Variants in PCDHGB4 observed in about 807,000 individuals in gnomAD.
PCDHGB4 encodes the protein protocadherin gamma subfamily B, 4.
Under a neutral mutation model 60.5 loss-of-function variants are expected in PCDHGB4, and 38 were observed. That is an observed-to-expected ratio of 0.63 (90% CI 0.48 to 0.82). The LOEUF is 0.82. Ranked by LOEUF, PCDHGB4 falls within the 40% of genes least tolerant of loss-of-function variation. The pLI, the probability that PCDHGB4 is intolerant of heterozygous loss-of-function variation, is 0.00. For synonymous variants in PCDHGB4, 456 were observed against 509.7 expected (o/e 0.89, Z 1.42); for missense variants, 1,109 against 1,209.6 (o/e 0.92, Z 1.23).
chr5:141,395,370 G>C, intron 1 of PCDHGB4: 1 of 1,207,198 alleles, frequency 8.3e-7, no homozygotes, highest in Non-Finnish European at 1.1e-6. Context: ...GTTTATTTTG[G>C]TGGTGTTACT....
chr5:141,421,328 A>G (rs1355932974), intron 1 of PCDHGB4: 1 of 1,613,902 alleles, frequency 6.2e-7, no homozygotes. Flanking sequence ...CAGATCCGAT[A>G]TTCGGTGCCA....
rs200356364 is a variant in PCDHGB4, at chr5:141,470,128, C to CA, written c.2398-24670dup. On this transcript the variant is annotated intron_variant, in intron 1 of 3. Transcript: ENST00000519479. ...TGAGCAACAGAGCAAGACTTCGTCT[C>CA]AAAAAAAAAGATCATAGATCATCTT... 4.0e-3 allele frequency among the ~76,000 whole-genome samples: 596 copies of CA among 150,150 alleles called. 6 individuals are homozygous for CA. The highest frequency in any genetic ancestry group is 0.011 in the Admixed American group (171 of 15,136).
intron 1 of PCDHGB4, chr5:141,417,070 G>A (rs1324168481): frequency 6.6e-6 from 1 of 151,864 alleles, no homozygotes; most frequent in Non-Finnish European, 1.5e-5. Flanking sequence ...TGTAGCTATT[G>A]TGAGAAAATA....
rs549455612 is a variant in PCDHGB4 at position 141,415,049 on chromosome 5, A to T, written c.2397+24768A>T. On this transcript the variant is annotated intron_variant, in intron 1 of 3. Transcript: ENST00000519479. Reference sequence around the variant, plus strand: ...GAGCCGGGACTCTTCGCGGTGGGGGAGCACACGGGCGAGGTGCGCACGGCG... The same window carrying T: ...GAGCCGGGACTCTTCGCGGTGGGGGTGCACACGGGCGAGGTGCGCACGGCG... 84 of 1,613,216 alleles carry T rather than the reference A, an allele frequency of 5.2e-5. 1 individual carries two copies. In the Admixed American group the frequency reaches 6.0e-4, roughly 12 times the overall value.
rs757065593 is a variant in PCDHGB4, at chr5:141,418,576, C to G, written c.2397+28295C>G. 1.5e-5 allele frequency: 25 copies of G among 1,614,012 alleles called. No homozygotes were observed. In the South Asian group the frequency reaches 2.7e-4, roughly 18 times the overall value. On this transcript the variant is annotated intron_variant, in intron 1 of 3. Transcript: ENST00000519479. ...TGGTAATAGATGCCAATGACAACCCCCCAGTGTTCAGCCAGGACGTGTACA... is the reference window on the plus strand; with the variant it reads ...TGGTAATAGATGCCAATGACAACCCGCCAGTGTTCAGCCAGGACGTGTACA...
rs775290219 is a variant in PCDHGB4 at position 141,423,576 on chromosome 5, G to A, written c.2397+33295G>A. On this transcript the variant is annotated intron_variant, in intron 1 of 3. Transcript: ENST00000519479. ...ACTATGGGGACACGCTCATCAGCCAGGAGAGCTGTGAGAAAAGCGAGCCAC... is the reference window on the plus strand; with the variant it reads ...ACTATGGGGACACGCTCATCAGCCAAGAGAGCTGTGAGAAAAGCGAGCCAC... The A allele has an allele frequency of 1.9e-6, 3 of 1,613,588 alleles. No homozygotes were observed. In the Admixed American group the frequency reaches 5.0e-5, roughly 27 times the overall value.
chr5:141,387,752 GGAAAAAGAAGAATTTTTTCTT>G lies in PCDHGB4; in HGVS notation c.-129_-109del. The G allele has an allele frequency of 7.1e-7, 1 of 1,398,886 alleles. No individual in the cohort carries two copies. The highest frequency in any genetic ancestry group is 9.5e-7 in the Non-Finnish European group (1 of 1,050,124). The allele number at this position is 1,398,886 out of a possible 1,614,324, so 86.7% of individuals were successfully genotyped here. On this transcript the variant is annotated 5_prime_UTR_variant, in exon 1 of 4. Transcript: ENST00000519479. The stretch of plus-strand genomic sequence containing the variant: ...CCAGCCTTTACACCGCTTCCTCCTC[GGAAAAAGAAGAATTTTTTCTT>G]GAACTGGAACTGCAACTAAAGTCCG...
At chr5:141,418,535 G>GC in intron 1 of PCDHGB4, 1 of 1,614,002 alleles carries the variant, frequency 6.2e-7, no homozygotes, top group Non-Finnish European at 8.5e-7. Context: ...AAGCGGTACT[G>GC]CTCAGATAAG....
rs769607720 is a variant in PCDHGB4 at position 141,489,346 on chromosome 5, G to A, written c.2398-5461G>A. 4 of 1,611,652 alleles carry A rather than the reference G, an allele frequency of 2.5e-6. No individual in the cohort carries two copies. The highest frequency in any genetic ancestry group is 3.4e-6 in the Non-Finnish European group (4 of 1,178,446). On this transcript the variant is annotated intron_variant, in intron 1 of 3. Transcript: ENST00000519479. The surrounding 1 kb of genome is among the most constrained non-coding windows in gnomAD (Gnocchi z 4.5). Reference sequence around the variant, plus strand: ...GTCTGGGCAGCTTCGTTACTCAGTGGTGGAGGAGTCTGAGCCGGGGACGCT... The same window carrying A: ...GTCTGGGCAGCTTCGTTACTCAGTGATGGAGGAGTCTGAGCCGGGGACGCT...
Position 141,487,418 on chromosome 5 carries a change from A to T in PCDHGB4, c.2398-7389A>T. ...GGAGGGGCTTCCCCCTTCCAATGGG[A>T]TCCTCCGAATCCAGCTAGGGTCAGA... On this transcript the variant is annotated intron_variant, in intron 1 of 3. Transcript: ENST00000519479. The surrounding 1 kb of genome is among the most constrained non-coding windows in gnomAD (Gnocchi z 5.0). The T allele has an allele frequency of 6.2e-7, 1 of 1,614,060 alleles. No homozygotes were observed. The highest frequency in any genetic ancestry group is 8.5e-7 in the Non-Finnish European group (1 of 1,179,998).
At chr5:141,443,980 T>A (rs2098412674) in intron 1 of PCDHGB4, among the ~76,000 whole-genome samples, 1 of 152,036 alleles carries the variant, frequency 6.6e-6, no homozygotes, top group South Asian at 2.1e-4. Context: ...CTAAGCTATG[T>A]TAATTTTATT....
chr5:141,467,063 T>C (rs1405374001), intron 1 of PCDHGB4, among the ~76,000 whole-genome samples: 2 of 151,716 alleles, frequency 1.3e-5, no homozygotes, highest in African/African-American at 2.4e-5. Flanking sequence ...TTCTTTTTTT[T>C]TTTTTTTTAG....
rs764389909 is a variant in PCDHGB4, at chr5:141,491,064, ACTGTTG to A, written c.2398-3741_2398-3736del. On this transcript the variant is annotated intron_variant, in intron 1 of 3. Transcript: ENST00000519479. The surrounding 1 kb of genome is among the most constrained non-coding windows in gnomAD (Gnocchi z 6.9). ...GCCACAATGCGTGGCTCTCCTACTCACTGTTGCCACAGTCCACAGCCCCAGGACTGT... is the reference window on the plus strand; with the variant it reads ...GCCACAATGCGTGGCTCTCCTACTCACCACAGTCCACAGCCCCAGGACTGT... 1.2e-6 allele frequency: 2 copies of A among 1,613,962 alleles called. No homozygotes were observed. Among genetic ancestry groups the A allele is most frequent in the Admixed American group, 3.3e-5 (2 of 60,010 alleles).
chr5:141,501,335 C>CA (rs2099808433), intron 2 of PCDHGB4, among the ~76,000 whole-genome samples: 1 of 135,634 alleles, frequency 7.4e-6, no homozygotes, highest in Non-Finnish European at 1.6e-5. Context: ...ACACACACAC[C>CA]CCAAACTCAA....
chr5:141,431,858 G>T lies in PCDHGB4; in HGVS notation c.2397+41577G>T, dbSNP rs1421209596. On this transcript the variant is annotated intron_variant, in intron 1 of 3. Coordinates refer to ENST00000519479, the MANE Select transcript of PCDHGB4 (RefSeq NM_003736.4). This position sits in a 1 kb window ranked among gnomAD's most constrained non-coding sequence, Gnocchi z 4.8. ...AAACTCTCCCAGAGGGACATTAATTGCCCTTTTAAATGTAAATGACCAAGA... is the reference window on the plus strand; with the variant it reads ...AAACTCTCCCAGAGGGACATTAATTTCCCTTTTAAATGTAAATGACCAAGA... 6.8e-6 allele frequency: 11 copies of T among 1,614,080 alleles called. No homozygotes were observed. The highest frequency in any genetic ancestry group is 8.5e-6 in the Non-Finnish European group (10 of 1,180,028).
rs1012790217 is a variant in PCDHGB4 at position 141,432,087 on chromosome 5, C to T, written c.2397+41806C>T. On this transcript the variant is annotated intron_variant, in intron 1 of 3. Coordinates refer to ENST00000519479, the MANE Select transcript of PCDHGB4 (RefSeq NM_003736.4). This position sits in a 1 kb window ranked among gnomAD's most constrained non-coding sequence, Gnocchi z 6.0. ...GAAACTCATATCTCGCTGAACGTGG[C>T]AGACACCAACGACAACCCGCCGGTC... is the stretch of plus-strand genomic sequence containing the variant. The T allele has an allele frequency of 2.5e-6, 4 of 1,614,060 alleles. No homozygotes were observed. The African/African-American group carries it at 4.0e-5, about 16-fold the overall frequency.
chr5:141,490,363 C>A lies in PCDHGB4; in HGVS notation c.2398-4444C>A. The A allele has an allele frequency of 6.2e-7, 1 of 1,614,154 alleles. No individual in the cohort carries two copies. Among genetic ancestry groups the A allele is most frequent in the South Asian group, 1.1e-5 (1 of 91,078 alleles). On this transcript the variant is annotated intron_variant, in intron 1 of 3. Coordinates refer to ENST00000519479, the MANE Select transcript of PCDHGB4 (RefSeq NM_003736.4). The surrounding 1 kb of genome is among the most constrained non-coding windows in gnomAD (Gnocchi z 5.4). Reference sequence around the variant, plus strand: ...CACAGTAGTGGGGTTGTTTAATGTGCGAGACCGGGACTCAGGTAGAAATGG... The same window carrying A: ...CACAGTAGTGGGGTTGTTTAATGTGAGAGACCGGGACTCAGGTAGAAATGG...
chr5:141,467,897 A>G (rs1403276382), intron 1 of PCDHGB4, among the ~76,000 whole-genome samples: 1 of 152,056 alleles, frequency 6.6e-6, no homozygotes, highest in Non-Finnish European at 1.5e-5. Flanking sequence ...GAGCTCAAGA[A>G]ATCCGCCCAC....
intron 1 of PCDHGB4, chr5:141,417,858 C>T (rs561149517): frequency 6.5e-7 from 1 of 1,547,240 alleles, no homozygotes. Flanking sequence ...CCCGAGCGAA[C>T]GATGGGAGGG....
Sources: gnomAD v4.1 joint callset for allele counts (sites outside exome capture counted in the v4.1 genomes callset) on GRCh38, gnomAD v4.1.1 for gene constraint, Gnocchi (gnomAD v3.1) non-coding constraint, MANE v1.5 for transcripts, NCBI Gene and HGNC (gene_info 2026-07-23, HGNC 2026-07-21) for gene names.